The following NEGR1 variants were observed in gnomAD, a reference collection of about 807,000 sequenced individuals.
NEGR1 encodes IgLON family member 4.
Under a neutral mutation model 40.9 loss-of-function variants are expected in NEGR1, and 10 were observed. That is an observed-to-expected ratio of 0.24 (90% CI 0.15 to 0.42). The LOEUF (loss-of-function observed/expected upper bound fraction) is 0.42. Among genes scored for constraint, NEGR1 ranks in the 10% least tolerant of loss-of-function variants. NEGR1 has a pLI of 1.00. For missense variants in NEGR1, 352 were observed against 438.9 expected (o/e 0.80, Z 1.77); for synonymous variants, 185 against 166.8 (o/e 1.11, Z -0.84).
chr1:71,615,454 A>T (rs185484201), intron 4 of NEGR1, among the ~76,000 whole-genome samples: 1 of 152,368 alleles, frequency 6.6e-6, no homozygotes, highest in Non-Finnish European at 1.5e-5. Flanking sequence ...GAATTAAATG[A>T]TGTGAGAAAA....
At chr1:71,714,910 A>C (rs1257504850) in intron 3 of NEGR1, among the ~76,000 whole-genome samples, 1 of 152,194 alleles carries the variant, frequency 6.6e-6, no homozygotes. Context: ...CAACAGCTAC[A>C]TTAGGCAGGG....
intron 2 of NEGR1, among the ~76,000 whole-genome samples, chr1:71,841,765 C>T (rs960396737): frequency 1.3e-5 from 2 of 152,110 alleles, no homozygotes; most frequent in Non-Finnish European, 2.9e-5. Flanking sequence ...TGCTTTTAGT[C>T]TCTTTAAAAG....
At chr1:71,501,339 A>G (rs1445772483) in intron 6 of NEGR1, among the ~76,000 whole-genome samples, 1 of 152,148 alleles carries the variant, frequency 6.6e-6, no homozygotes, top group Non-Finnish European at 1.5e-5. Flanking sequence ...AATGAATGAA[A>G]TGAACTTTAA....
At chr1:72,195,965 T>C (rs1652985866) in intron 1 of NEGR1, among the ~76,000 whole-genome samples, 1 of 152,064 alleles carries the variant, frequency 6.6e-6, no homozygotes, top group Non-Finnish European at 1.5e-5. Context: ...GGTAAATTAG[T>C]GCCTTCCTCC....
At chr1:71,435,679 C>G (rs980775286) in intron 6 of NEGR1, among the ~76,000 whole-genome samples, 1 of 152,216 alleles carries the variant, frequency 6.6e-6, no homozygotes. Flanking sequence ...AAGCTGCCAA[C>G]CCCTGAGCCT....
chr1:72,108,183 T>C (rs1209797423), intron 1 of NEGR1, among the ~76,000 whole-genome samples: 7 of 151,692 alleles, frequency 4.6e-5, no homozygotes, highest in Non-Finnish European at 7.4e-5. Flanking sequence ...CCTCAGGTAC[T>C]CATAAATCCA....
chr1:72,072,138 T>C (rs992114835), intron 1 of NEGR1, among the ~76,000 whole-genome samples: 2 of 152,188 alleles, frequency 1.3e-5, no homozygotes, highest in African/African-American at 4.8e-5. Flanking sequence ...TAATATGATC[T>C]CCTTAGTTAT....
chr1:71,410,351 C>T (rs891667357), intron 6 of NEGR1, among the ~76,000 whole-genome samples: 1 of 152,050 alleles, frequency 6.6e-6, no homozygotes, highest in Non-Finnish European at 1.5e-5. Context: ...TGTCACCAGT[C>T]GTACTCTTTA....
chr1:71,883,665 T>C (rs996060252), intron 2 of NEGR1, among the ~76,000 whole-genome samples: 4 of 152,026 alleles, frequency 2.6e-5, no homozygotes, highest in Non-Finnish European at 5.9e-5. Flanking sequence ...CGTGTTGGTG[T>C]GCTGCACCCA....
At chr1:72,040,277 G>T (rs1312580195) in intron 1 of NEGR1, among the ~76,000 whole-genome samples, 1 of 151,774 alleles carries the variant, frequency 6.6e-6, no homozygotes, top group East Asian at 1.9e-4. Context: ...ATAAACAATT[G>T]TTACATTAGA....
chr1:71,947,706 G>A (rs907517617), intron 1 of NEGR1, among the ~76,000 whole-genome samples: 3 of 151,954 alleles, frequency 2.0e-5, no homozygotes, highest in Admixed American at 6.6e-5. Context: ...TGTGAAAGGT[G>A]ACAGTAAAAG....
intron 1 of NEGR1, among the ~76,000 whole-genome samples, chr1:72,052,033 G>A (rs1557502341): frequency 6.6e-6 from 1 of 151,432 alleles, no homozygotes. Flanking sequence ...TTTCCTGGTG[G>A]CTTGACTAAC....
At chr1:71,439,263 G>A (rs1222809001) in intron 6 of NEGR1, among the ~76,000 whole-genome samples, 1 of 152,190 alleles carries the variant, frequency 6.6e-6, no homozygotes, top group African/African-American at 2.4e-5. Flanking sequence ...GAGAAAGGTT[G>A]TGGGAAAAGT....
At chr1:71,850,358 G>C (rs1019982804) in intron 2 of NEGR1, among the ~76,000 whole-genome samples, 2 of 151,930 alleles carry the variant, frequency 1.3e-5, no homozygotes, top group Admixed American at 6.6e-5. Flanking sequence ...GTTTTGCTAT[G>C]TTTCCTAAGC....
chr1:72,037,741 T>C (rs1646916112), intron 1 of NEGR1, among the ~76,000 whole-genome samples: 1 of 152,152 alleles, frequency 6.6e-6, no homozygotes, highest in Non-Finnish European at 1.5e-5. Flanking sequence ...TGAATCTATT[T>C]CCATTAGGTG....
At chr1:71,741,530 A>G (rs1424287679) in intron 3 of NEGR1, among the ~76,000 whole-genome samples, 1 of 152,174 alleles carries the variant, frequency 6.6e-6, no homozygotes, top group Non-Finnish European at 1.5e-5. Context: ...GTATTTGCCA[A>G]GCACCTACCA....
chr1:71,597,938 G>A (rs1649779190), intron 5 of NEGR1, among the ~76,000 whole-genome samples: 1 of 151,842 alleles, frequency 6.6e-6, no homozygotes, highest in South Asian at 2.1e-4. Context: ...ATTCAGCATT[G>A]TACACAATAA....
chr1:72,145,668 A>G (rs1417239207), intron 1 of NEGR1, among the ~76,000 whole-genome samples: 1 of 152,102 alleles, frequency 6.6e-6, no homozygotes, highest in African/African-American at 2.4e-5. Flanking sequence ...GACACATCTC[A>G]CAAGACAGTT....
At chr1:72,172,043 GA>G (rs933510330) in intron 1 of NEGR1, among the ~76,000 whole-genome samples, 3 of 152,030 alleles carry the variant, frequency 2.0e-5, no homozygotes, top group African/African-American at 7.2e-5. Context: ...GAAATTGAAG[GA>G]AAAAAGTAGT....
Sources: gnomAD v4.1 joint callset for allele counts (sites outside exome capture counted in the v4.1 genomes callset) on GRCh38, gnomAD v4.1.1 for gene constraint, MANE v1.5 for transcripts, NCBI Gene and HGNC (gene_info 2026-07-23, HGNC 2026-07-21) for gene names.